EXT1: variants seen among roughly 807,000 people sequenced by gnomAD.
EXT1 encodes exostosin glycosyltransferase 1, also known as exostosin-1.
EXT1 carries 20 observed loss-of-function variants against 82.5 expected under a neutral mutation model. The ratio of observed to expected loss-of-function variants is 0.24; its 90% confidence interval spans 0.17 to 0.35. The LOEUF is 0.35. Ranked by LOEUF, EXT1 falls within the 10% of genes least tolerant of loss-of-function variation. EXT1 has a pLI of 1.00. For missense variants in EXT1, 757 were observed against 936.5 expected, an observed-to-expected ratio of 0.81 and a Z score of 2.50; for synonymous variants, 348 against 350.8, an observed-to-expected ratio of 0.99 and a Z score of 0.09.
At chr8:117,972,790 A>C (rs1176927764) in intron 1 of EXT1, among the ~76,000 whole-genome samples, 5 of 152,160 alleles carry the variant, frequency 3.3e-5, no homozygotes, top group African/African-American at 7.2e-5. Context: ...AGAAGTGCAG[A>C]GTGAAGAGGG....
intron 1 of EXT1, among the ~76,000 whole-genome samples, chr8:117,925,736 A>G (rs1251002233): frequency 6.0e-5 from 9 of 151,178 alleles, no homozygotes; most frequent in African/African-American, 9.7e-5. Context: ...AAGAAAGAAA[A>G]AAAAAAAGAA....
chr8:118,095,755 A>G (rs1817600051), intron 1 of EXT1, among the ~76,000 whole-genome samples: 1 of 152,212 alleles, frequency 6.6e-6, no homozygotes, highest in Admixed American at 6.5e-5. Flanking sequence ...GTGTCATATG[A>G]TTGTCACCAA....
At chr8:118,065,050 A>G (rs1242623543) in intron 1 of EXT1, among the ~76,000 whole-genome samples, 2 of 151,730 alleles carry the variant, frequency 1.3e-5, no homozygotes, top group East Asian at 3.9e-4. Flanking sequence ...ATGGGGTTTC[A>G]CTATGTTGGC....
At chr8:117,996,514 T>C (rs1364151603) in intron 1 of EXT1, among the ~76,000 whole-genome samples, 1 of 152,154 alleles carries the variant, frequency 6.6e-6, no homozygotes, top group Non-Finnish European at 1.5e-5. Context: ...GCCACAGCCT[T>C]TGAGCTCTTC....
intron 1 of EXT1, among the ~76,000 whole-genome samples, chr8:117,984,429 AAAAACAAAAC>A (rs1215230907): frequency 1.4e-5 from 2 of 146,964 alleles, no homozygotes; most frequent in African/African-American, 5.2e-5. Flanking sequence ...ACTCCGTCTC[AAAAACAAAAC>A]AAAACAAAAC....
chr8:118,001,544 G>A (rs921326914), intron 1 of EXT1, among the ~76,000 whole-genome samples: 1 of 151,622 alleles, frequency 6.6e-6, no homozygotes, highest in Non-Finnish European at 1.5e-5. Flanking sequence ...TTTAGGTAAT[G>A]TACACACTCT....
intron 1 of EXT1, among the ~76,000 whole-genome samples, chr8:118,032,154 C>G (rs1816336607): frequency 6.8e-6 from 1 of 146,032 alleles, no homozygotes; most frequent in Admixed American, 6.8e-5. Flanking sequence ...GACTTTTGCA[C>G]CGACCTAATA....
Position 117,799,899 on chromosome 8 carries a change from T to C in EXT1, c.2056-2A>G. ...AGCCCAACGGGAAGCCCGAGAAGTC[T>C]AGGGAGAAGGAGAGAAACAAGGATA... is the stretch of plus-strand genomic sequence containing the variant. On this transcript the variant is annotated splice_acceptor_variant, in intron 10 of 10. Coordinates refer to ENST00000378204, the MANE Select transcript of EXT1 (RefSeq NM_000127.3). LOFTEE classifies it high-confidence loss of function. 6.2e-7 allele frequency: 1 copy of C among 1,613,612 alleles called. No homozygotes were observed. The highest frequency in any genetic ancestry group is 8.5e-7 in the Non-Finnish European group (1 of 1,179,948).
At chr8:117,827,229 C>T (rs1194174846) in intron 4 of EXT1, among the ~76,000 whole-genome samples, 1 of 152,116 alleles carries the variant, frequency 6.6e-6, no homozygotes, top group East Asian at 1.9e-4. Context: ...AAAATCACTT[C>T]AGGGATTCCA....
At chr8:118,106,015 T>C (rs996200261) in intron 1 of EXT1, among the ~76,000 whole-genome samples, 2 of 152,170 alleles carry the variant, frequency 1.3e-5, no homozygotes, top group Non-Finnish European at 2.9e-5. Flanking sequence ...AACTCCTACT[T>C]AGACTAAACA....
At chr8:117,925,705 CAAAAA>C (rs3049788) in intron 1 of EXT1, among the ~76,000 whole-genome samples, 1 of 98,632 alleles carries the variant, frequency 1.0e-5, no homozygotes, top group Non-Finnish European at 2.0e-5. Context: ...CCTGTCTCTA[CAAAAA>C]AAAAAAAAAA....
At chr8:118,016,890 G>A (rs887749769) in intron 1 of EXT1, among the ~76,000 whole-genome samples, 2 of 152,224 alleles carry the variant, frequency 1.3e-5, no homozygotes, top group Non-Finnish European at 2.9e-5. Flanking sequence ...AGCCTCTGGA[G>A]TTCTGGTGAC....
At chr8:117,852,871 T>A (rs1305741362) in intron 1 of EXT1, among the ~76,000 whole-genome samples, 1 of 152,166 alleles carries the variant, frequency 6.6e-6, no homozygotes, top group Non-Finnish European at 1.5e-5. Context: ...TTCACTGTCT[T>A]GCGTAGGGAG....
At chr8:117,906,403 G>A (rs1813544790) in intron 1 of EXT1, among the ~76,000 whole-genome samples, 1 of 152,112 alleles carries the variant, frequency 6.6e-6, no homozygotes. Flanking sequence ...TAAAGTAATA[G>A]ATTTATTTCC....
At position 118,053,323 on chromosome 8, in the gene EXT1, C is replaced by T. The variant is rs17476826; in HGVS notation, c.962+56762G>A. Among the ~76,000 whole-genome samples the T allele has an allele frequency of 6.2e-3, 951 of 152,180 alleles. 10 individuals carry two copies. The highest frequency in any genetic ancestry group is 0.022 in the African/African-American group (914 of 41,508). On this transcript the variant is annotated intron_variant, in intron 1 of 10. Transcript: ENST00000378204. ...TCGGCCAATGTCCCTCTCAGGAGTT[C>T]CTTTACAGCACACCACGACTCCCTT...
At chr8:117,956,953 T>C (rs1165871065) in intron 1 of EXT1, among the ~76,000 whole-genome samples, 1 of 152,104 alleles carries the variant, frequency 6.6e-6, no homozygotes, top group African/African-American at 2.4e-5. Context: ...CCCAATTCAA[T>C]CCCGTGACCA....
intron 1 of EXT1, among the ~76,000 whole-genome samples, chr8:118,034,524 C>A (rs970431822): frequency 6.6e-6 from 1 of 151,380 alleles, no homozygotes; most frequent in Non-Finnish European, 1.5e-5. Context: ...GAGAGCCCAG[C>A]AGCCCTGACA....
At chr8:117,875,788 C>G (rs1323002983) in intron 1 of EXT1, among the ~76,000 whole-genome samples, 1 of 152,092 alleles carries the variant, frequency 6.6e-6, no homozygotes, top group African/African-American at 2.4e-5. Flanking sequence ...GATCAGGCCC[C>G]AAGATTCCAG....
chr8:118,086,378 A>G (rs1243243519), intron 1 of EXT1, among the ~76,000 whole-genome samples: 1 of 152,220 alleles, frequency 6.6e-6, no homozygotes, highest in Non-Finnish European at 1.5e-5. Context: ...CCTGGCATAA[A>G]GCTATTGTGA....
Sources: gnomAD v4.1 joint callset for allele counts (sites outside exome capture counted in the v4.1 genomes callset) on GRCh38, gnomAD v4.1.1 for gene constraint, MANE v1.5 for transcripts, NCBI Gene and HGNC (gene_info 2026-07-23, HGNC 2026-07-21) for gene names.